PCGF5: variants seen among roughly 807,000 people sequenced by gnomAD.
The protein encoded by PCGF5 is polycomb group ring finger 5.
PCGF5 carries 9 observed loss-of-function variants against 44.3 expected under a neutral mutation model. The observed-to-expected ratio is 0.20, with a 90% CI of 0.12 to 0.35. PCGF5 has a LOEUF of 0.35. PCGF5 is among the 10% of genes least tolerant of loss of function. The pLI is 1.00. For missense variants in PCGF5, 146 were observed against 305.3 expected, an observed-to-expected ratio of 0.48 and a Z score of 3.89; for synonymous variants, 95 against 102.5, an observed-to-expected ratio of 0.93 and a Z score of 0.44.
intron 1 of PCGF5, among the ~76,000 whole-genome samples, chr10:91,176,999 C>A (rs1244406492): frequency 6.6e-6 from 1 of 152,182 alleles, no homozygotes; most frequent in Admixed American, 6.5e-5. Flanking sequence ...TTAGAATTTT[C>A]AGTTTTTCTG....
intron 1 of PCGF5, among the ~76,000 whole-genome samples, chr10:91,192,203 G>A (rs1034387861): frequency 2.6e-5 from 4 of 152,076 alleles, no homozygotes; most frequent in African/African-American, 9.7e-5. Flanking sequence ...TTCCACCCCA[G>A]AGGCATTTGT....
intron 2 of PCGF5, among the ~76,000 whole-genome samples, chr10:91,224,211 G>A (rs1176506807): frequency 6.6e-6 from 1 of 152,178 alleles, no homozygotes; most frequent in African/African-American, 2.4e-5. Flanking sequence ...GCCTGGGCAT[G>A]CATATTTTGG....
At chr10:91,232,432 T>C (rs527736509) in intron 2 of PCGF5, among the ~76,000 whole-genome samples, 1 of 152,108 alleles carries the variant, frequency 6.6e-6, no homozygotes, top group East Asian at 1.9e-4. Flanking sequence ...GTCAAGGAGT[T>C]TTACTGCAAA....
upstream of PCGF5, among the ~76,000 whole-genome samples, chr10:91,162,235 G>C (rs984677232): frequency 1.3e-5 from 2 of 149,364 alleles, no homozygotes; most frequent in South Asian, 2.1e-4. Flanking sequence ...AGGCATTAAG[G>C]CTCGAGGCCA....
Position 91,281,776 on chromosome 10 carries a change from G to A in PCGF5, c.*3460G>A, listed in dbSNP as rs1269608959. The A allele has an allele frequency of 6.6e-6, 1 of 152,228 alleles. No homozygotes were observed. The highest frequency in any genetic ancestry group is 1.9e-4 in the East Asian group (1 of 5,196). 9.4% of individuals were successfully genotyped at this position (152,228 alleles called of 1,614,324 possible). ...ATTTTCTTGGTGAGATCAGTCAAAT[G>A]CAGGCTTTTCTTGCAATAATCAGAA... On this transcript the variant is annotated 3_prime_UTR_variant, in exon 10 of 10. Transcript: ENST00000336126.
intron 1 of PCGF5, among the ~76,000 whole-genome samples, chr10:91,196,412 A>G (rs1330866345): frequency 2.0e-5 from 3 of 152,216 alleles, no homozygotes; most frequent in Non-Finnish European, 4.4e-5. Context: ...CCCAAGCCCC[A>G]CAGTATCATT....
chr10:91,226,056 C>A (rs1030088888), intron 2 of PCGF5, among the ~76,000 whole-genome samples: 1 of 151,882 alleles, frequency 6.6e-6, no homozygotes, highest in African/African-American at 2.4e-5. Context: ...CAAAGAGTAT[C>A]TTACTTATTT....
At chr10:91,273,587 A>G (rs1232906479) in intron 9 of PCGF5, among the ~76,000 whole-genome samples, 1 of 152,170 alleles carries the variant, frequency 6.6e-6, no homozygotes, top group Non-Finnish European at 1.5e-5. Flanking sequence ...TCCTGAAAGG[A>G]TAACTAAATG....
At chr10:91,273,867 A>G (rs1175270402) in intron 9 of PCGF5, among the ~76,000 whole-genome samples, 8 of 150,278 alleles carry the variant, frequency 5.3e-5, no homozygotes, top group East Asian at 1.9e-4. Flanking sequence ...TACATTTTAT[A>G]TATTTTATAC....
At chr10:91,170,970 C>G (rs1468049041) in intron 1 of PCGF5, among the ~76,000 whole-genome samples, 3 of 152,138 alleles carry the variant, frequency 2.0e-5, no homozygotes, top group Non-Finnish European at 4.4e-5. Flanking sequence ...ATGCATATTC[C>G]TAAGTCAAAG....
intron 2 of PCGF5, among the ~76,000 whole-genome samples, chr10:91,234,312 A>C (rs998692288): frequency 1.3e-5 from 2 of 152,260 alleles, no homozygotes; most frequent in Non-Finnish European, 2.9e-5. Context: ...GTTTATTTTT[A>C]ACATAAATTA....
upstream of PCGF5, among the ~76,000 whole-genome samples, chr10:91,216,688 A>G (rs1329654534): frequency 6.6e-6 from 1 of 152,190 alleles, no homozygotes; most frequent in Non-Finnish European, 1.5e-5. Context: ...GAGGGATTTA[A>G]GAGACATTTA....
intron 1 of PCGF5, among the ~76,000 whole-genome samples, chr10:91,203,405 G>A (rs1844288049): frequency 1.3e-5 from 2 of 152,136 alleles, no homozygotes; most frequent in African/African-American, 4.8e-5. Flanking sequence ...TTAATTTGTA[G>A]ATTGATCCCC....
chr10:91,256,329 C>G (rs1845752818), intron 6 of PCGF5, among the ~76,000 whole-genome samples: 1 of 152,012 alleles, frequency 6.6e-6, no homozygotes, highest in Admixed American at 6.6e-5. Flanking sequence ...GGCTCAACAG[C>G]AGACTTGAGC....
intron 2 of PCGF5, among the ~76,000 whole-genome samples, chr10:91,228,574 T>TA (rs1339844758): frequency 6.6e-6 from 1 of 152,194 alleles, no homozygotes; most frequent in Non-Finnish European, 1.5e-5. Context: ...GTTGACGTGA[T>TA]AAGAGACTCG....
intron 1 of PCGF5, among the ~76,000 whole-genome samples, chr10:91,200,796 G>A (rs1844237873): frequency 6.6e-6 from 1 of 152,136 alleles, no homozygotes; most frequent in African/African-American, 2.4e-5. Flanking sequence ...TGTATACGGT[G>A]GGGCCAATTA....
At chr10:91,203,299 C>T (rs1844286268) in intron 1 of PCGF5, among the ~76,000 whole-genome samples, 1 of 152,186 alleles carries the variant, frequency 6.6e-6, no homozygotes, top group Non-Finnish European at 1.5e-5. Context: ...TCTTGGAGCA[C>T]TTAAGACACC....
intron 6 of PCGF5, among the ~76,000 whole-genome samples, chr10:91,258,288 A>C (rs2254391): frequency 0.49 from 74,496 of 151,976 alleles, 21,096 homozygotes; most frequent in African/African-American, 0.79. Flanking sequence ...GTAGTGATAC[A>C]AACATCATTT....
intron 1 of PCGF5, among the ~76,000 whole-genome samples, chr10:91,221,455 C>T (rs891060159): frequency 5.3e-5 from 8 of 152,146 alleles, no homozygotes; most frequent in Non-Finnish European, 1.2e-4. Flanking sequence ...GGGCCAGAAC[C>T]CTGATTCCCT....
Sources: allele counts gnomAD v4.1 joint callset (sites outside exome capture counted in the v4.1 genomes callset), GRCh38; gene constraint gnomAD v4.1.1; transcripts MANE v1.5; gene names NCBI Gene and HGNC (gene_info 2026-07-23, HGNC 2026-07-21).